The following PIK3AP1 variants were observed in gnomAD, a reference collection of about 807,000 sequenced individuals.
PIK3AP1 encodes phosphoinositide 3-kinase adapter protein 1.
A neutral mutation model predicts 88.1 loss-of-function variants in PIK3AP1; 21 were observed. That is an observed-to-expected ratio of 0.24 (90% CI 0.17 to 0.34). The LOEUF is 0.34. PIK3AP1 is among the 10% of genes least tolerant of loss of function. The pLI is 1.00. For synonymous variants in PIK3AP1, 398 were observed against 400.0 expected (o/e 1.00, Z 0.06); for missense variants, 828 against 1,035.7 (o/e 0.80, Z 2.75).
chr10:96,720,288 G>A lies in PIK3AP1; in HGVS notation c.13+94C>T. Reference sequence around the variant, plus strand: ...AGGGCAAGATCCCCGCACAGAGGACGCAAACAGAAGCAAGCGGGGGAGCGC... The same window carrying A: ...AGGGCAAGATCCCCGCACAGAGGACACAAACAGAAGCAAGCGGGGGAGCGC... On this transcript the variant is annotated intron_variant, in intron 1 of 16. Coordinates refer to ENST00000339364, the MANE Select transcript of PIK3AP1 (RefSeq NM_152309.3). This position sits in a 1 kb window ranked among gnomAD's most constrained non-coding sequence, Gnocchi z 4.6. 3 of 1,164,282 alleles carry A rather than the reference G, an allele frequency of 2.6e-6. No individual in the cohort carries two copies. The highest frequency in any genetic ancestry group is 3.2e-5 in the East Asian group (1 of 31,176). 72.1% of individuals were successfully genotyped at this position (1,164,282 alleles called of 1,614,324 possible).
At position 96,643,001 on chromosome 10, in the gene PIK3AP1, T is replaced by C. The variant is rs1458313994; in HGVS notation, c.1375+2472A>G. Among the ~76,000 whole-genome samples the C allele has an allele frequency of 3.3e-5, 5 of 152,202 alleles. No homozygotes were observed. The East Asian group carries it at 7.7e-4, about 23-fold the overall frequency. On this transcript the variant is annotated intron_variant, in intron 8 of 16. Coordinates refer to ENST00000339364, the MANE Select transcript of PIK3AP1 (RefSeq NM_152309.3). ...GGTACTGGTGGTTCTCCAAGTGTTC[T>C]TTTGTGAGTGAGTCCCTATTCCACA...
chr10:96,608,059 C>T (rs1849032664), intron 14 of PIK3AP1, among the ~76,000 whole-genome samples: 1 of 152,216 alleles, frequency 6.6e-6, no homozygotes. Context: ...CACTAAACCA[C>T]TGCACAAGGG....
Position 96,689,193 on chromosome 10 carries a change from C to T in PIK3AP1, c.430+20374G>A, listed in dbSNP as rs140166487. Reference sequence around the variant, plus strand: ...AAATGCAAACGCATCCTGTGCTTTCCTCTCCCTGTGCCTTGCCCATGGAGT... The same window carrying T: ...AAATGCAAACGCATCCTGTGCTTTCTTCTCCCTGTGCCTTGCCCATGGAGT... On this transcript the variant is annotated intron_variant, in intron 2 of 16. Coordinates refer to ENST00000339364, the MANE Select transcript of PIK3AP1 (RefSeq NM_152309.3). Among the ~76,000 whole-genome samples, 386 of 152,270 alleles carry T rather than the reference C, an allele frequency of 2.5e-3. 1 individual carries two copies. Among genetic ancestry groups the T allele is most frequent in the African/African-American group, 8.9e-3 (370 of 41,540 alleles).
intron 3 of PIK3AP1, 148 bp from the exon 4 acceptor site, chr10:96,652,990 G>A: frequency 1.2e-6 from 1 of 848,780 alleles, no homozygotes; most frequent in East Asian, 2.6e-5. Context: ...GTGCTGGGCA[G>A]TGAACTGTTT....
chr10:96,632,142 A>T (rs1843252912), intron 8 of PIK3AP1, among the ~76,000 whole-genome samples: 1 of 152,214 alleles, frequency 6.6e-6, no homozygotes, highest in African/African-American at 2.4e-5. Flanking sequence ...ACTGCTGCAA[A>T]CCGAAGGAGA....
chr10:96,711,739 A>ATTTTTTTTTT lies in PIK3AP1; in HGVS notation c.14-1766_14-1757dup, dbSNP rs763923650. On this transcript the variant is annotated intron_variant, in intron 1 of 16. Coordinates refer to ENST00000339364, the MANE Select transcript of PIK3AP1 (RefSeq NM_152309.3). ...ATTTCCCCCAGGATGAGATTACCAAATTTTTTTTTTTTTTTTTTTTTTTTT... is the reference window on the plus strand; with the variant it reads ...ATTTCCCCCAGGATGAGATTACCAAATTTTTTTTTTTTTTTTTTTTTTTTTTTTTTTTTTT... 7.4e-3 allele frequency among the ~76,000 whole-genome samples: 491 copies of ATTTTTTTTTT among 66,442 alleles called. 80 individuals carry two copies. Among genetic ancestry groups the ATTTTTTTTTT allele is most frequent in the African/African-American group, 0.029 (409 of 14,252 alleles). The allele number at this position is 66,442 out of a possible 152,430, so 43.6% of individuals were successfully genotyped here. A position where few individuals can be genotyped will look rare whatever the true frequency, so the allele number is the denominator to read the frequency against.
chr10:96,709,955 G>A lies in PIK3AP1; in HGVS notation c.42C>T (p.Ile14=), dbSNP rs267602653. ...SGVPRGCDIL[I]VYSPDAEEWC... The stretch of plus-strand genomic sequence containing the variant: ...ATTCCTCGGCATCCGGGCTGTAGAC[G>A]ATGAGGATGTCGCATCCTCTGGGCA... Residue 14 remains isoleucine (I), a synonymous_variant, in exon 2 of 17, where the codon ATC becomes ATT. Coordinates refer to ENST00000339364, the MANE Select transcript of PIK3AP1 (RefSeq NM_152309.3). 2 of 1,597,442 alleles carry A rather than the reference G, an allele frequency of 1.3e-6. No homozygotes were observed. Among genetic ancestry groups the A allele is most frequent in the South Asian group, 1.1e-5 (1 of 90,366 alleles).
chr10:96,710,314 C>T (rs1165742863), intron 1 of PIK3AP1, among the ~76,000 whole-genome samples: 2 of 152,204 alleles, frequency 1.3e-5, no homozygotes, highest in African/African-American at 2.4e-5. Context: ...CTCTGCCTCC[C>T]GGGTTCAAGC....
At position 96,595,456 on chromosome 10, in the gene PIK3AP1, G is replaced by A; in HGVS notation, c.*121C>T. ...AACCAGCAGGGCTGCAGCATTATCA[G>A]CAATGAGAATGGATCTTAAGGTCAA... is the stretch of plus-strand genomic sequence containing the variant. On this transcript the variant is annotated 3_prime_UTR_variant, in exon 17 of 17. Coordinates refer to ENST00000339364, the MANE Select transcript of PIK3AP1 (RefSeq NM_152309.3). 9.3e-7 allele frequency: 1 copy of A among 1,079,256 alleles called. No homozygotes were observed. 66.9% of individuals were successfully genotyped at this position (1,079,256 alleles called of 1,614,324 possible).
At chr10:96,610,781 C>A (rs1000902691) in intron 13 of PIK3AP1, among the ~76,000 whole-genome samples, 2 of 152,174 alleles carry the variant, frequency 1.3e-5, no homozygotes, top group African/African-American at 2.4e-5. Flanking sequence ...AACAGTAACT[C>A]TGATGAGTAG....
chr10:96,643,677 G>A (rs556039236), intron 8 of PIK3AP1, among the ~76,000 whole-genome samples: 1 of 152,308 alleles, frequency 6.6e-6, no homozygotes, highest in East Asian at 1.9e-4. Flanking sequence ...AGTGTCAAAG[G>A]CCTGCTGGCA....
chr10:96,642,203 T>C (rs1843398083), intron 8 of PIK3AP1, among the ~76,000 whole-genome samples: 1 of 152,038 alleles, frequency 6.6e-6, no homozygotes, highest in Non-Finnish European at 1.5e-5. Context: ...AGCAGACGGA[T>C]TGCTTGAGCT....
rs1843327053 is a variant in PIK3AP1 at position 96,637,390 on chromosome 10, G to T, written c.1375+8083C>A. ...TAGTTATTTTATTTTTTGATTCAGG[G>T]TCCCACTCTGTCACCCAGGCTGGAG... On this transcript the variant is annotated intron_variant, in intron 8 of 16. Transcript: ENST00000339364. Among the ~76,000 whole-genome samples the T allele has an allele frequency of 2.0e-5, 3 of 150,930 alleles. No individual in the cohort carries two copies. The South Asian group carries it at 6.3e-4, about 32-fold the overall frequency.
intron 8 of PIK3AP1, 89 bp downstream of exon 8, chr10:96,645,384 T>A: frequency 7.4e-7 from 1 of 1,358,520 alleles, no homozygotes; most frequent in Non-Finnish European, 1.0e-6. Context: ...TGAGGGTACA[T>A]AGGGACTGCC....
intron 8 of PIK3AP1, among the ~76,000 whole-genome samples, chr10:96,629,022 C>T (rs1001191213): frequency 6.0e-5 from 9 of 150,478 alleles, no homozygotes; most frequent in Admixed American, 2.0e-4. Flanking sequence ...CATCCTCCCG[C>T]CTCAGCCTCC....
chr10:96,601,915 T>C (rs895639209), intron 16 of PIK3AP1, among the ~76,000 whole-genome samples: 1 of 152,122 alleles, frequency 6.6e-6, no homozygotes, highest in Non-Finnish European at 1.5e-5. Context: ...AGACAGTTTC[T>C]CTCTGTCACC....
chr10:96,641,112 T>C (rs1843381945), intron 8 of PIK3AP1, among the ~76,000 whole-genome samples: 1 of 122,544 alleles, frequency 8.2e-6, no homozygotes, highest in African/African-American at 2.6e-5. Context: ...TGTGTGTGTG[T>C]GTGTGTGTGT....
At chr10:96,606,794 C>G (rs1849010384) in intron 14 of PIK3AP1, among the ~76,000 whole-genome samples, 1 of 152,248 alleles carries the variant, frequency 6.6e-6, no homozygotes, top group Non-Finnish European at 1.5e-5. Flanking sequence ...CTTTGGTTCT[C>G]TAGCATACAG....
At chr10:96,670,115 C>T (rs999591716) in intron 2 of PIK3AP1, among the ~76,000 whole-genome samples, 9 of 141,866 alleles carry the variant, frequency 6.3e-5, no homozygotes, top group Non-Finnish European at 1.4e-4. Flanking sequence ...GTGGAGGTTG[C>T]GCCACTGACT....
Sources: gnomAD v4.1 joint callset for allele counts (sites outside exome capture counted in the v4.1 genomes callset) on GRCh38, gnomAD v4.1.1 for gene constraint, Gnocchi (gnomAD v3.1) non-coding constraint, MANE v1.5 for transcripts, NCBI Gene and HGNC (gene_info 2026-07-23, HGNC 2026-07-21) for gene names.